P2RY10: variants seen among roughly 807,000 people sequenced by gnomAD.
P2RY10 encodes putative P2Y purinoceptor 10.
P2RY10 carries 4 observed loss-of-function variants against 12.1 expected under a neutral mutation model. The observed-to-expected ratio is 0.33, with a 90% CI of 0.16 to 0.76. The LOEUF (loss-of-function observed/expected upper bound fraction) is 0.76, where lower values mean the gene tolerates loss of function less well. P2RY10 is among the 30% of genes least tolerant of loss of function. The pLI is 0.61. For synonymous variants in P2RY10, 112 were observed against 94.1 expected (o/e 1.19, Z -1.10); for missense variants, 233 against 264.6 (o/e 0.88, Z 0.83).
At position 78,963,044 on chromosome X, in the gene P2RY10, T is replaced by C. The variant is rs1048834886; in HGVS notation, c.*1504T>C. 4.5e-5 allele frequency among the ~76,000 whole-genome samples: 5 copies of C among 112,079 alleles called. No individual in the cohort carries two copies. Among genetic ancestry groups the C allele is most frequent in the African/African-American group, 1.6e-4 (5 of 30,844 alleles). Reference sequence around the variant, plus strand: ...TATTTTTTTCAAACGTTGTGGTTGTTGTTTCAGCACCATTTTAAAGAATTT... The same window carrying C: ...TATTTTTTTCAAACGTTGTGGTTGTCGTTTCAGCACCATTTTAAAGAATTT... On this transcript the variant is annotated 3_prime_UTR_variant, in exon 4 of 4. Coordinates refer to ENST00000171757, the MANE Select transcript of P2RY10 (RefSeq NM_014499.4).
chrX:78,960,685 C>T lies in P2RY10; in HGVS notation c.165C>T (p.Ala55=). The T allele has an allele frequency of 8.3e-7, 1 of 1,211,085 alleles. No homozygotes were observed. The highest frequency in any genetic ancestry group is 1.1e-6 in the Non-Finnish European group (1 of 895,023). ...CTGGTCTTCTGGCTAACAGTGCAGC[C>T]TTGTGGGTTCTGTGCCGCTTCATCA... ...FIPGLLANSA[A]LWVLCRFISK... Residue 55 remains alanine (A), a synonymous_variant, in exon 4 of 4, where the codon GCC becomes GCT. Coordinates refer to ENST00000171757, the MANE Select transcript of P2RY10 (RefSeq NM_014499.4).
chrX:78,954,110 C>T (rs957197751), intron 3 of P2RY10, among the ~76,000 whole-genome samples: 1 of 111,405 alleles, frequency 9.0e-6, no homozygotes, highest in African/African-American at 3.3e-5. Context: ...TGAGCTCAAG[C>T]GATCCACCCA....
intron 2 of P2RY10, among the ~76,000 whole-genome samples, chrX:78,949,909 T>C (rs1254179914): frequency 2.7e-5 from 3 of 111,667 alleles, no homozygotes; most frequent in African/African-American, 9.8e-5. Flanking sequence ...TTGGCTTGGA[T>C]AATTCATGTG....
At chrX:78,953,418 C>A (rs967613821) in intron 3 of P2RY10, among the ~76,000 whole-genome samples, 2 of 111,833 alleles carry the variant, frequency 1.8e-5, no homozygotes, top group Non-Finnish European at 3.8e-5. Flanking sequence ...TGAGGGTTGG[C>A]AGATAGTACA....
chrX:78,949,154 T>C (rs764696013), intron 2 of P2RY10, among the ~76,000 whole-genome samples: 4 of 111,860 alleles, frequency 3.6e-5, no homozygotes, highest in Non-Finnish European at 5.6e-5. Context: ...ATGTGGAGCA[T>C]TTTTTCGTGT....
chrX:78,958,178 G>A (rs974252602), intron 3 of P2RY10, among the ~76,000 whole-genome samples: 19 of 112,483 alleles, frequency 1.7e-4, no homozygotes, highest in African/African-American at 5.5e-4. Flanking sequence ...GAATTCTAGT[G>A]TTATATAAGT....
intron 3 of P2RY10, among the ~76,000 whole-genome samples, chrX:78,954,461 C>T (rs892998168): frequency 6.3e-5 from 7 of 111,507 alleles, no homozygotes; most frequent in Non-Finnish European, 1.1e-4. Context: ...TGTTATTTAT[C>T]CATCCCTGGA....
At chrX:78,960,403 C>T (rs757982254) in intron 3 of P2RY10, 105 bp from the exon 4 acceptor site, 1 of 593,818 alleles carries the variant, frequency 1.7e-6, no homozygotes, top group Admixed American at 3.8e-5. Context: ...CATGTCTCTT[C>T]TAATTCTAAT....
At position 78,950,808 on chromosome X, in the gene P2RY10, A is replaced by G. The variant is rs146717290; in HGVS notation, c.-156-1385A>G. On this transcript the variant is annotated intron_variant, in intron 2 of 3. Coordinates refer to ENST00000171757, the MANE Select transcript of P2RY10 (RefSeq NM_014499.4). ...ATAATAAGTTATTCAGCTAAAAATA[A>G]CTTTAGCTTTCTGGGCTTATGAAAA... 3.6e-3 allele frequency among the ~76,000 whole-genome samples: 409 copies of G among 112,312 alleles called. 3 individuals carry two copies. Among genetic ancestry groups the G allele is most frequent in the African/African-American group, 0.013 (397 of 30,981 alleles).
chrX:78,955,702 C>T (rs1922304319), intron 3 of P2RY10, among the ~76,000 whole-genome samples: 1 of 112,356 alleles, frequency 8.9e-6, no homozygotes, highest in South Asian at 3.7e-4. Flanking sequence ...TTTTCCCCAC[C>T]TCAGTCTGTG....
At chrX:78,947,336 G>A (rs964770603) in intron 1 of P2RY10, among the ~76,000 whole-genome samples, 1 of 111,761 alleles carries the variant, frequency 8.9e-6, no homozygotes, top group Non-Finnish European at 1.9e-5. Context: ...TAACAATCAG[G>A]GCAATGGTTC....
Position 78,961,616 on chromosome X carries a change from C to A in P2RY10, c.*76C>A. On this transcript the variant is annotated 3_prime_UTR_variant, in exon 4 of 4. Coordinates refer to ENST00000171757, the MANE Select transcript of P2RY10 (RefSeq NM_014499.4). Reference sequence around the variant, plus strand: ...TTTTCCAAAGGCCAGAATTGTCAACCAATTTCTTTAATTGAACATTGTAAA... The same window carrying A: ...TTTTCCAAAGGCCAGAATTGTCAACAAATTTCTTTAATTGAACATTGTAAA... The A allele has an allele frequency of 3.9e-6, 3 of 760,198 alleles. No individual in the cohort carries two copies. The highest frequency in any genetic ancestry group is 5.8e-6 in the Non-Finnish European group (3 of 515,958). The allele number at this position is 760,198 out of a possible 1,213,427, so 62.6% of individuals were successfully genotyped here. A position where few individuals can be genotyped will look rare whatever the true frequency, so the allele number is the denominator to read the frequency against.
intron 3 of P2RY10, among the ~76,000 whole-genome samples, chrX:78,958,031 C>G (rs1382677083): frequency 8.9e-6 from 1 of 112,484 alleles, no homozygotes; most frequent in African/African-American, 3.2e-5. Context: ...TTTCTTTGCT[C>G]TCTCACTGCC....
intron 1 of P2RY10, among the ~76,000 whole-genome samples, chrX:78,946,041 C>G (rs186037676): frequency 2.0e-3 from 220 of 111,576 alleles, no homozygotes; most frequent in African/African-American, 6.0e-3. Flanking sequence ...ACAATACAGT[C>G]AGGAAAACTG....
intron 3 of P2RY10, among the ~76,000 whole-genome samples, chrX:78,953,173 C>A (rs1349416375): frequency 1.8e-5 from 2 of 112,072 alleles, no homozygotes; most frequent in East Asian, 2.8e-4. Context: ...GAATGGAGAA[C>A]AAAGAAGTTG....
Position 78,961,281 on chromosome X carries a change from T to C in P2RY10, c.761T>C (p.Ile254Thr). The C allele has an allele frequency of 3.3e-6, 4 of 1,208,884 alleles. No homozygotes were observed. Among genetic ancestry groups the C allele is most frequent in the Non-Finnish European group, 4.5e-6 (4 of 892,891 alleles). Residue 254 changes from isoleucine (I) to threonine (T), a missense_variant, in exon 4 of 4, where the codon ATC becomes ACC. By Grantham distance (89) the Ile-to-Thr change is moderately conservative (BLOSUM62 -1). Coordinates refer to ENST00000171757, the MANE Select transcript of P2RY10 (RefSeq NM_014499.4). ...TTCATGTGTGCTGCAGTCTTCTTCA[T>C]CTGCTTCACTCCCTATCATATTAAC... The part of the protein sequence containing the change: ...MVFMCAAVFF[I>T]CFTPYHINFI...
chrX:78,952,329 A>T lies in P2RY10; in HGVS notation c.-20A>T. On this transcript the variant is annotated 5_prime_UTR_variant, in exon 3 of 4. Transcript: ENST00000171757. ...ATGTACCCTGGACAGAGCACTTCAA[A>T]CTAGAGGTACCAAGAGTAATTACTT... 1 of 751,395 alleles carries T rather than the reference A, an allele frequency of 1.3e-6. No homozygotes were observed. Among genetic ancestry groups the T allele is most frequent in the Non-Finnish European group, 1.6e-6 (1 of 636,949 alleles). The allele number at this position is 751,395 out of a possible 1,213,427, so 61.9% of individuals were successfully genotyped here.
chrX:78,955,893 T>C (rs1358443514), intron 3 of P2RY10, among the ~76,000 whole-genome samples: 1 of 111,695 alleles, frequency 9.0e-6, no homozygotes, highest in East Asian at 2.8e-4. Flanking sequence ...GAATATATAC[T>C]GATTGAGTGT....
Position 78,955,427 on chromosome X carries a change from C to T in P2RY10, c.-14+3092C>T, listed in dbSNP as rs375510117. On this transcript the variant is annotated intron_variant, in intron 3 of 3. Transcript: ENST00000171757. ...CCAATAGGTAAGAAAAGCTTATATA[C>T]CATCTTGAAATTACAGAATAAATGT... is the stretch of plus-strand genomic sequence containing the variant. 5.3e-5 allele frequency among the ~76,000 whole-genome samples: 6 copies of T among 112,244 alleles called. No homozygotes were observed. In the East Asian group the frequency reaches 1.1e-3, roughly 21 times the overall value.
Sources: gnomAD v4.1 joint callset for allele counts (sites outside exome capture counted in the v4.1 genomes callset) on GRCh38, gnomAD v4.1.1 for gene constraint, MANE v1.5 for transcripts, NCBI Gene and HGNC (gene_info 2026-07-23, HGNC 2026-07-21) for gene names.